Variants in ZNF33B observed in about 807,000 individuals in gnomAD.
ZNF33B encodes zinc finger protein 11b (KOX 2).
ZNF33B carries 29 observed loss-of-function variants against 45.8 expected under a neutral mutation model. The ratio of observed to expected loss-of-function variants is 0.63; its 90% CI spans 0.47 to 0.86. The LOEUF is 0.86. ZNF33B is among the 40% of genes least tolerant of loss of function. The pLI, the probability that ZNF33B is intolerant of heterozygous loss-of-function variation, is 0.00. For synonymous variants in ZNF33B, 305 were observed against 307.8 expected (o/e 0.99, Z 0.10); for missense variants, 831 against 909.9 (o/e 0.91, Z 1.12).
At chr10:42,597,660 G>A (rs1320624921) in intron 4 of ZNF33B, among the ~76,000 whole-genome samples, 5 of 151,912 alleles carry the variant, frequency 3.3e-5, no homozygotes, top group African/African-American at 1.2e-4. Flanking sequence ...AATCATTAGG[G>A]ACCTGTTGGT....
At chr10:42,627,894 C>G (rs1350822885) in intron 4 of ZNF33B, among the ~76,000 whole-genome samples, 31 of 152,122 alleles carry the variant, frequency 2.0e-4, no homozygotes, top group Admixed American at 2.0e-3. Flanking sequence ...CATACATACT[C>G]AGAATGATTT....
intron 4 of ZNF33B, among the ~76,000 whole-genome samples, chr10:42,615,412 A>G (rs1838272491): frequency 6.6e-6 from 1 of 152,236 alleles, no homozygotes; most frequent in African/African-American, 2.4e-5. Flanking sequence ...ATATTGATAC[A>G]TGCTACAACA....
intron 4 of ZNF33B, among the ~76,000 whole-genome samples, chr10:42,622,395 G>A (rs1026463064): frequency 6.6e-6 from 1 of 152,112 alleles, no homozygotes; most frequent in Admixed American, 6.5e-5. Context: ...TTAAAAAGAA[G>A]AACAAAGTCA....
chr10:42,634,113 T>A (rs1004102738), intron 2 of ZNF33B, among the ~76,000 whole-genome samples: 2 of 151,992 alleles, frequency 1.3e-5, no homozygotes, highest in Non-Finnish European at 2.9e-5. Context: ...TAATCAAGAA[T>A]GGAATCAGAG....
At chr10:42,606,223 G>C (rs576318505) in intron 4 of ZNF33B, among the ~76,000 whole-genome samples, 1 of 152,202 alleles carries the variant, frequency 6.6e-6, no homozygotes, top group Admixed American at 6.5e-5. Context: ...CCAGCACTTC[G>C]GGAGGCCAAG....
chr10:42,627,160 C>T (rs1564525038), intron 4 of ZNF33B, among the ~76,000 whole-genome samples: 3 of 151,938 alleles, frequency 2.0e-5, no homozygotes, highest in South Asian at 4.2e-4. Flanking sequence ...TGCACCACCA[C>T]ACCAGGCTAA....
chr10:42,580,096 G>A (rs1836802807), intron 1 of ZNF33B, among the ~76,000 whole-genome samples: 1 of 152,176 alleles, frequency 6.6e-6, no homozygotes, highest in African/African-American at 2.4e-5. Context: ...AGAGAATATA[G>A]GTAATATGGT....
chr10:42,616,857 G>A (rs911231062), intron 4 of ZNF33B, among the ~76,000 whole-genome samples: 35 of 151,868 alleles, frequency 2.3e-4, no homozygotes, highest in African/African-American at 6.5e-4. Flanking sequence ...CATCATGCCC[G>A]GCTAATTTTT....
chr10:42,608,027 GC>G (rs777578113), intron 4 of ZNF33B, among the ~76,000 whole-genome samples: 23 of 152,216 alleles, frequency 1.5e-4, no homozygotes, highest in Admixed American at 5.2e-4. Context: ...CAGGCACATG[GC>G]ACCAATAAGG....
chr10:42,597,124 T>G (rs1233016737), intron 4 of ZNF33B, among the ~76,000 whole-genome samples: 1 of 152,116 alleles, frequency 6.6e-6, no homozygotes, highest in South Asian at 2.1e-4. Context: ...AAATGGATGC[T>G]AAATTTTGTC....
Position 42,594,367 on chromosome 10 carries a change from T to C in ZNF33B, c.583A>G (p.Lys195Glu), listed in dbSNP as rs752158968. 15 of 1,613,808 alleles carry C rather than the reference T, an allele frequency of 9.3e-6. No individual in the cohort carries two copies. The South Asian group carries it at 1.5e-4, about 17-fold the overall frequency. The change falls in exon 5 of 5, where the codon AAA becomes GAA. Residue 195 changes from lysine to glutamate, a missense_variant. Lys to Glu is a moderately conservative substitution (Grantham distance 56). Transcript: ENST00000359467. The stretch of plus-strand genomic sequence containing the variant: ...CGATGACTCAGAGTGTTCCTATTTT[T>C]CAAAACTTCATTTTTCTCTCGAGTA... Reference protein sequence around the residue: ...THTREKNEVLKNRNTLSHREN... With the variant: ...THTREKNEVLENRNTLSHREN...
intron 4 of ZNF33B, among the ~76,000 whole-genome samples, chr10:42,598,283 T>C (rs1564503028): frequency 6.6e-6 from 1 of 152,206 alleles, no homozygotes; most frequent in Non-Finnish European, 1.5e-5. Context: ...CCCAGAAAAT[T>C]AGTATTTCCT....
chr10:42,602,234 T>G (rs564596476), intron 4 of ZNF33B, among the ~76,000 whole-genome samples: 25 of 152,178 alleles, frequency 1.6e-4, no homozygotes, highest in Non-Finnish European at 3.1e-4. Context: ...GGCCATGTAT[T>G]TTTCATCTCA....
At chr10:42,631,589 A>C (rs1455907091) in intron 4 of ZNF33B, among the ~76,000 whole-genome samples, 1 of 152,244 alleles carries the variant, frequency 6.6e-6, no homozygotes, top group African/African-American at 2.4e-5. Context: ...AAATTCTGAC[A>C]GAAGAATAAA....
rs1337251490 is a variant in ZNF33B at position 42,589,820 on chromosome 10, T to C, written c.*2793A>G. On this transcript the variant is annotated 3_prime_UTR_variant, in exon 5 of 5. Coordinates refer to ENST00000359467, the MANE Select transcript of ZNF33B (RefSeq NM_006955.3). Reference sequence around the variant, plus strand: ...TTTTTTTTGGTATCACTGCATTAGATAGCACTTCCAGTACAATGCTGAAAA... The same window carrying C: ...TTTTTTTTGGTATCACTGCATTAGACAGCACTTCCAGTACAATGCTGAAAA... The C allele has an allele frequency of 1.3e-5, 2 of 152,214 alleles. No individual in the cohort carries two copies. Among genetic ancestry groups the C allele is most frequent in the East Asian group, 1.9e-4 (1 of 5,196 alleles). The allele number at this position is 152,214 out of a possible 1,614,324, so 9.4% of individuals were successfully genotyped here. A position where few individuals can be genotyped will look rare whatever the true frequency, so the allele number is the denominator to read the frequency against.
chr10:42,608,647 TAG>T lies in ZNF33B; in HGVS notation c.251-13950_251-13949del, dbSNP rs962507880. Among the ~76,000 whole-genome samples, 14 of 152,038 alleles carry T rather than the reference TAG, an allele frequency of 9.2e-5. No individual in the cohort carries two copies. In the East Asian group the frequency reaches 2.3e-3, roughly 25 times the overall value. ...TATGGAACACAGATAAAGCAATGCT[TAG>T]AGAGAGATTTGTAGCTGTAATAACC... On this transcript the variant is annotated intron_variant, in intron 4 of 4. Transcript: ENST00000359467.
intron 4 of ZNF33B, among the ~76,000 whole-genome samples, chr10:42,617,533 GATTC>G (rs1249135303): frequency 2.0e-5 from 3 of 152,130 alleles, no homozygotes; most frequent in Non-Finnish European, 2.9e-5. Context: ...AACTGACATT[GATTC>G]ATTCAATCAA....
chr10:42,622,505 A>C (rs1838634062), intron 4 of ZNF33B, among the ~76,000 whole-genome samples: 2 of 152,224 alleles, frequency 1.3e-5, no homozygotes. Context: ...AACGGAATAC[A>C]AGTGAGAGCC....
chr10:42,594,362 AT>A lies in ZNF33B; in HGVS notation c.587del (p.Asn196IlefsTer5). ...TCTCACGATGACTCAGAGTGTTCCTATTTTTCAAAACTTCATTTTTCTCTCG... is the reference window on the plus strand; with the variant it reads ...TCTCACGATGACTCAGAGTGTTCCTATTTTCAAAACTTCATTTTTCTCTCG... The part of the protein sequence containing the change: ...HTREKNEVLK[N>X]RNTLSHRENT... On this transcript the variant is annotated frameshift_variant, in exon 5 of 5. Coordinates refer to ENST00000359467, the MANE Select transcript of ZNF33B (RefSeq NM_006955.3). LOFTEE classifies it low-confidence loss of function (END_TRUNC). 1 of 1,613,774 alleles carries A rather than the reference AT, an allele frequency of 6.2e-7. No homozygotes were observed. The highest frequency in any genetic ancestry group is 8.5e-7 in the Non-Finnish European group (1 of 1,179,850).
Sources: allele counts gnomAD v4.1 joint callset (sites outside exome capture counted in the v4.1 genomes callset), GRCh38; gene constraint gnomAD v4.1.1; transcripts MANE v1.5; gene names NCBI Gene and HGNC (gene_info 2026-07-23, HGNC 2026-07-21).